Variants in SKP2 observed in about 807,000 individuals in gnomAD.
The protein encoded by SKP2 is S-phase kinase associated protein 2, also known as S-phase kinase-associated protein 2.
SKP2 carries 16 observed loss-of-function variants against 51.8 expected under a neutral mutation model. That is an observed-to-expected ratio of 0.31 (90% CI 0.21 to 0.47). The LOEUF is 0.47. Ranked by LOEUF, SKP2 falls within the 20% of genes least tolerant of loss-of-function variation. SKP2 has a pLI of 1.00. For synonymous variants in SKP2, 176 were observed against 198.6 expected, an observed-to-expected ratio of 0.89 and a Z score of 0.96; for missense variants, 377 against 505.3, an observed-to-expected ratio of 0.75 and a Z score of 2.43.
At chr5:36,168,571 G>A (rs972589736) in intron 5 of SKP2, 124 bp downstream of exon 5, 1 of 889,302 alleles carries the variant, frequency 1.1e-6, no homozygotes, top group South Asian at 1.6e-5. Context: ...CTAGTGCAGT[G>A]CTCTAGCTTC....
At chr5:36,191,927 C>T (rs1487194659) in intron 6 of SKP2, among the ~76,000 whole-genome samples, 1 of 152,168 alleles carries the variant, frequency 6.6e-6, no homozygotes. Context: ...CAAAACGTAA[C>T]TGCTTTGAGT....
At position 36,160,319 on chromosome 5, in the gene SKP2, G is replaced by C. The variant is rs150215387; in HGVS notation, c.281-3326G>C. On this transcript the variant is annotated intron_variant, in intron 2 of 9. Transcript: ENST00000274255. ...CAAAATAGCTAAGTATGTTATTGAAGTATAGTTAAGCTTACTCTTCCATAG... is the reference window on the plus strand; with the variant it reads ...CAAAATAGCTAAGTATGTTATTGAACTATAGTTAAGCTTACTCTTCCATAG... Among the ~76,000 whole-genome samples the C allele has an allele frequency of 5.7e-3, 871 of 152,332 alleles. 15 individuals are homozygous for C. Among genetic ancestry groups the C allele is most frequent in the African/African-American group, 0.02 (835 of 41,566 alleles).
chr5:36,178,391 A>G (rs902846907), intron 9 of SKP2, among the ~76,000 whole-genome samples: 3 of 152,044 alleles, frequency 2.0e-5, no homozygotes, highest in Non-Finnish European at 4.4e-5. Flanking sequence ...AGAGTTAACT[A>G]GTAGAGTTAG....
At chr5:36,181,764 TCAAA>T in intron 9 of SKP2, 50 bp from the exon 10 acceptor site, 7 of 1,597,280 alleles carry the variant, frequency 4.4e-6, no homozygotes, top group Non-Finnish European at 6.0e-6. Context: ...ATAACTCTAG[TCAAA>T]CAGTTTCCAT....
downstream of SKP2, among the ~76,000 whole-genome samples, chr5:36,185,265 A>T (rs1331952921): frequency 5.9e-5 from 9 of 152,088 alleles, no homozygotes; most frequent in Non-Finnish European, 1.3e-4. Flanking sequence ...TTAGTTTAAT[A>T]AGATCCCATT....
At chr5:36,173,792 A>C (rs573879987) in intron 7 of SKP2, among the ~76,000 whole-genome samples, 10 of 152,136 alleles carry the variant, frequency 6.6e-5, no homozygotes, top group Admixed American at 2.0e-4. Flanking sequence ...AAAAGTTTTT[A>C]ATGTCATTAA....
chr5:36,153,662 A>G (rs1744836400), intron 2 of SKP2, among the ~76,000 whole-genome samples: 1 of 152,004 alleles, frequency 6.6e-6, no homozygotes, highest in African/African-American at 2.4e-5. Flanking sequence ...TCTGGTAACT[A>G]TTTCTCAAGT....
intron 5 of SKP2, 71 bp downstream of exon 5, chr5:36,168,518 T>G (rs1579563479): frequency 1.5e-5 from 21 of 1,411,906 alleles, no homozygotes; most frequent in Non-Finnish European, 1.0e-6. Flanking sequence ...TGTATATAAC[T>G]GGGGTGCCCT....
At chr5:36,167,613 C>T (rs1445472763) in intron 4 of SKP2, among the ~76,000 whole-genome samples, 6 of 150,216 alleles carry the variant, frequency 4.0e-5, no homozygotes, top group Admixed American at 3.3e-4. Context: ...TTTGGCCTCC[C>T]TTTTTTTTTA....
chr5:36,164,023 C>T (rs1337045055), intron 3 of SKP2, among the ~76,000 whole-genome samples: 2 of 152,112 alleles, frequency 1.3e-5, no homozygotes, highest in Non-Finnish European at 2.9e-5. Context: ...GTAGGCCAGG[C>T]GGTGTGCTTT....
intron 6 of SKP2, among the ~76,000 whole-genome samples, chr5:36,191,538 T>C (rs1421663139): frequency 6.6e-6 from 1 of 151,996 alleles, no homozygotes; most frequent in African/African-American, 2.4e-5. Context: ...ATCCACAAGC[T>C]CCAGAGACAT....
rs70973094 is a variant in SKP2, at chr5:36,190,683, CAAAAAAAAA to C, written c.633-1923_633-1915del. On this transcript the variant is annotated intron_variant, in intron 6 of 7. Transcript: ENST00000677886. ...AATGATGAAAAACGTCAAACATATGCAAAAAAAAAAAAAAAAAAAAAAAGAATATGATGG... is the reference window on the plus strand; with the variant it reads ...AATGATGAAAAACGTCAAACATATGCAAAAAAAAAAAAAAGAATATGATGG... Among the ~76,000 whole-genome samples, 13 of 81,186 alleles carry C rather than the reference CAAAAAAAAA, an allele frequency of 1.6e-4. No homozygotes were observed. The South Asian group carries it at 2.5e-3, about 16-fold the overall frequency. 53.3% of individuals were successfully genotyped at this position (81,186 alleles called of 152,430 possible).
chr5:36,153,676 C>T (rs1297988774), intron 2 of SKP2, among the ~76,000 whole-genome samples: 1 of 152,194 alleles, frequency 6.6e-6, no homozygotes, highest in Non-Finnish European at 1.5e-5. Context: ...CTCAAGTTCT[C>T]GTCGTCTCTT....
chr5:36,154,816 C>T (rs886589263), intron 2 of SKP2, among the ~76,000 whole-genome samples: 2 of 152,202 alleles, frequency 1.3e-5, no homozygotes, highest in Non-Finnish European at 2.9e-5. Context: ...GCTGGGATTA[C>T]AGGCATGAGC....
intron 7 of SKP2, among the ~76,000 whole-genome samples, chr5:36,176,629 T>G (rs1178173567): frequency 6.6e-6 from 1 of 151,978 alleles, no homozygotes; most frequent in African/African-American, 2.4e-5. Context: ...ACCTTTGTAA[T>G]ATATTGTTTG....
chr5:36,181,069 T>A (rs754033212), intron 9 of SKP2, among the ~76,000 whole-genome samples: 4 of 152,128 alleles, frequency 2.6e-5, no homozygotes, highest in Non-Finnish European at 4.4e-5. Flanking sequence ...ACAGAATTTG[T>A]GAAACAGAAT....
At chr5:36,163,550 C>A in intron 2 of SKP2, 95 bp from the exon 3 acceptor site, 1 of 712,428 alleles carries the variant, frequency 1.4e-6, no homozygotes, top group Non-Finnish European at 2.5e-6. Context: ...CTCATTTAAG[C>A]TAAATGTTGT....
At chr5:36,164,718 G>T (rs147564760) in intron 3 of SKP2, among the ~76,000 whole-genome samples, 1 of 152,252 alleles carries the variant, frequency 6.6e-6, no homozygotes, top group East Asian at 1.9e-4. Flanking sequence ...TACCCTCACC[G>T]CACTCAACCC....
At chr5:36,185,429 A>T (rs191620096), downstream of SKP2, among the ~76,000 whole-genome samples, 1 of 152,308 alleles carries the variant, frequency 6.6e-6, no homozygotes, top group Admixed American at 6.5e-5. Flanking sequence ...TAATATTTGT[A>T]TAAGGTGTAA....
Sources: allele counts gnomAD v4.1 joint callset (sites outside exome capture counted in the v4.1 genomes callset), GRCh38; gene constraint gnomAD v4.1.1; transcripts MANE v1.5; gene names NCBI Gene and HGNC (gene_info 2026-07-23, HGNC 2026-07-21).